Variants in ZC3H3 observed in about 807,000 individuals in gnomAD.
ZC3H3 encodes zinc finger CCCH domain-containing protein 3.
Under a neutral mutation model 77.3 loss-of-function variants are expected in ZC3H3, and 36 were observed. The ratio of observed to expected loss-of-function variants is 0.47; its 90% CI spans 0.36 to 0.61. The LOEUF (loss-of-function observed/expected upper bound fraction) is 0.61, where lower values mean the gene tolerates loss of function less well. ZC3H3 is among the 20% of genes least tolerant of loss of function. The pLI is 0.00. For synonymous variants in ZC3H3, 626 were observed against 555.2 expected (o/e 1.13, Z -1.79); for missense variants, 1,331 against 1,312.2 (o/e 1.01, Z -0.22).
chr8:143,459,209 G>A (rs1175839669), intron 9 of ZC3H3, among the ~76,000 whole-genome samples: 1 of 152,158 alleles, frequency 6.6e-6, no homozygotes, highest in Non-Finnish European at 1.5e-5. Flanking sequence ...TATGAATATT[G>A]ATGCAAAAAT....
intron 4 of ZC3H3, among the ~76,000 whole-genome samples, chr8:143,484,209 T>G (rs1374438648): frequency 1.3e-5 from 2 of 152,160 alleles, no homozygotes; most frequent in African/African-American, 2.4e-5. Flanking sequence ...TGTTGTGACA[T>G]CTGAGGACTT....
intron 5 of ZC3H3, among the ~76,000 whole-genome samples, chr8:143,469,333 C>A (rs1255623698): frequency 1.3e-5 from 2 of 152,228 alleles, no homozygotes; most frequent in Non-Finnish European, 2.9e-5. Flanking sequence ...TTTTAGAGGG[C>A]TATAAAACTA....
At chr8:143,468,068 C>T in intron 8 of ZC3H3, 141 bp downstream of exon 8, 1 of 1,041,900 alleles carries the variant, frequency 9.6e-7, no homozygotes, top group Non-Finnish European at 1.4e-6. Context: ...AGAGACGGTA[C>T]AGCAGACTCT....
At chr8:143,534,766 C>A (rs1266353642) in intron 3 of ZC3H3, among the ~76,000 whole-genome samples, 2 of 152,184 alleles carry the variant, frequency 1.3e-5, no homozygotes, top group African/African-American at 4.8e-5. Flanking sequence ...CACCAGGGAC[C>A]GCATGGGTCT....
At position 143,494,512 on chromosome 8, in the gene ZC3H3, C is replaced by T. The variant is rs1821291370; in HGVS notation, c.1715+13234G>A. Among the ~76,000 whole-genome samples the T allele has an allele frequency of 1.3e-5, 2 of 152,174 alleles. No homozygotes were observed. Among genetic ancestry groups the T allele is most frequent in the Non-Finnish European group, 2.9e-5 (2 of 68,034 alleles). On this transcript the variant is annotated intron_variant, in intron 4 of 11. Coordinates refer to ENST00000262577, the MANE Select transcript of ZC3H3 (RefSeq NM_015117.3). The surrounding 1 kb of genome is among the most constrained non-coding windows in gnomAD (Gnocchi z 5.3). Reference sequence around the variant, plus strand: ...CCTGTGGCCACCCCTGCCAACAGGCCCACACAAGGCCCGGGCAGGTCAGGG... The same window carrying T: ...CCTGTGGCCACCCCTGCCAACAGGCTCACACAAGGCCCGGGCAGGTCAGGG...
intron 4 of ZC3H3, among the ~76,000 whole-genome samples, chr8:143,496,202 G>A (rs1259203374): frequency 6.6e-6 from 1 of 152,176 alleles, no homozygotes; most frequent in Non-Finnish European, 1.5e-5. Context: ...GTGTGCATGG[G>A]AGTGGGAGCA....
At chr8:143,463,093 C>T (rs1206534154) in intron 9 of ZC3H3, among the ~76,000 whole-genome samples, 1 of 151,966 alleles carries the variant, frequency 6.6e-6, no homozygotes, top group East Asian at 1.9e-4. Context: ...CAGCAATTCT[C>T]CTGCCTCAGC....
In ZC3H3 at chr8:143,494,745, C is replaced by G. The variant is rs1408969371; in HGVS notation, c.1715+13001G>C. ...CCTGGGCAGGAACAAAGGCCTCATT[C>G]CACCAGGTAAGGCTGGCTCAGCAAG... On this transcript the variant is annotated intron_variant, in intron 4 of 11. Transcript: ENST00000262577. The surrounding 1 kb of genome is among the most constrained non-coding windows in gnomAD (Gnocchi z 5.3). Among the ~76,000 whole-genome samples, 1 of 152,198 alleles carries G rather than the reference C, an allele frequency of 6.6e-6. No individual in the cohort carries two copies. The highest frequency in any genetic ancestry group is 6.5e-5 in the Admixed American group (1 of 15,290).
intron 3 of ZC3H3, among the ~76,000 whole-genome samples, chr8:143,515,619 A>G (rs1454019111): frequency 6.6e-6 from 1 of 152,146 alleles, no homozygotes; most frequent in Admixed American, 6.5e-5. Context: ...CACGAGAAGG[A>G]AGGCACCTCT....
intron 4 of ZC3H3, among the ~76,000 whole-genome samples, chr8:143,500,974 G>T (rs998939464): frequency 2.4e-5 from 3 of 125,344 alleles, no homozygotes; most frequent in African/African-American, 8.6e-5. Flanking sequence ...TACCATGCCC[G>T]ACCTTTTTTT....
At chr8:143,479,102 C>T (rs551935055) in intron 4 of ZC3H3, among the ~76,000 whole-genome samples, 10 of 152,344 alleles carry the variant, frequency 6.6e-5, no homozygotes, top group African/African-American at 1.9e-4. Flanking sequence ...AGCCTCATTC[C>T]GAGAAGCTGC....
intron 9 of ZC3H3, among the ~76,000 whole-genome samples, chr8:143,465,189 G>A (rs947094210): frequency 3.3e-5 from 5 of 152,098 alleles, no homozygotes; most frequent in Admixed American, 6.5e-5. Flanking sequence ...GCCCCGCAAT[G>A]AGCTCCAGCG....
chr8:143,538,826 C>T lies in ZC3H3; in HGVS notation c.541G>A (p.Gly181Arg), dbSNP rs1822902766. Reference sequence around the variant, plus strand: ...AGAGGATCTTCCACACTGCAGGTCCCCCTGGCTCTTGTTGGCCTCGAGGGC... The same window carrying T: ...AGAGGATCTTCCACACTGCAGGTCCTCCTGGCTCTTGTTGGCCTCGAGGGC... ...LQPSRPTRAR[G>R]TCSVEDPLLV... Residue 181 changes from glycine to arginine, a missense_variant, in exon 2 of 12, where the codon GGG (glycine) becomes AGG (arginine). Physicochemically the swap from Gly to Arg is moderately radical, Grantham distance 125 (BLOSUM62 -2). Transcript: ENST00000262577. The T allele has an allele frequency of 1.9e-6, 3 of 1,612,168 alleles. No individual in the cohort carries two copies. The highest frequency in any genetic ancestry group is 1.3e-5 in the African/African-American group (1 of 74,916).
At chr8:143,481,402 C>A (rs769034350) in intron 4 of ZC3H3, among the ~76,000 whole-genome samples, 13 of 152,206 alleles carry the variant, frequency 8.5e-5, no homozygotes, top group Non-Finnish European at 1.6e-4. Flanking sequence ...CCCACGTGAG[C>A]CCCTGAGAAC....
chr8:143,484,979 AC>A (rs1306043327), intron 4 of ZC3H3: 1 of 420,582 alleles, frequency 2.4e-6, no homozygotes, highest in Non-Finnish European at 4.8e-6. Context: ...CACAATAAAA[AC>A]CCACTCACTT....
intron 4 of ZC3H3, 35 bp from the exon 5 acceptor site, chr8:143,475,620 C>A: frequency 6.5e-7 from 1 of 1,539,312 alleles, no homozygotes; most frequent in East Asian, 2.4e-5. Flanking sequence ...AAACCTGGCC[C>A]CAGGACAGAC....
At chr8:143,464,175 C>T (rs1305005023) in intron 9 of ZC3H3, among the ~76,000 whole-genome samples, 1 of 152,270 alleles carries the variant, frequency 6.6e-6, no homozygotes. Context: ...TTACAAGCTG[C>T]TATCCATCAT....
chr8:143,440,407 TG>T, intron 10 of ZC3H3, 44 bp from the exon 11 acceptor site: 1 of 1,492,910 alleles, frequency 6.7e-7, no homozygotes, highest in Admixed American at 2.3e-5. Flanking sequence ...GGGTGACGGG[TG>T]GGGATCCCAG....
intron 5 of ZC3H3, among the ~76,000 whole-genome samples, chr8:143,473,146 G>A (rs13253331): frequency 0.12 from 18,187 of 152,198 alleles, 1,368 homozygotes; most frequent in Non-Finnish European, 0.17. Context: ...CGTGACTACC[G>A]GGAGCTTTCT....
Sources: allele counts gnomAD v4.1 joint callset (sites outside exome capture counted in the v4.1 genomes callset), GRCh38; gene constraint gnomAD v4.1.1; non-coding constraint Gnocchi (gnomAD v3.1); transcripts MANE v1.5; gene names NCBI Gene and HGNC (gene_info 2026-07-23, HGNC 2026-07-21).